SMC4: variants seen among roughly 807,000 people sequenced by gnomAD.
SMC4 encodes structural maintenance of chromosomes 4, also known as structural maintenance of chromosomes protein 4.
In SMC4, 87 loss-of-function variants were observed where a neutral mutation model predicts 145.6. The ratio of observed to expected loss-of-function variants is 0.60; its 90% CI spans 0.50 to 0.71. The LOEUF is 0.71. Among genes scored for constraint, SMC4 ranks in the 30% least tolerant of loss-of-function variants. SMC4 has a pLI of 0.00. For synonymous variants in SMC4, 558 were observed against 500.7 expected, an observed-to-expected ratio of 1.11 and a Z score of -1.53; for missense variants, 1,447 against 1,537.1, an observed-to-expected ratio of 0.94 and a Z score of 0.98.
At position 160,409,265 on chromosome 3, in the gene SMC4, CAAAAAAAAAAAAAAA is replaced by C. The variant is rs10547167; in HGVS notation, c.688-2642_688-2628del. Among the ~76,000 whole-genome samples the C allele has an allele frequency of 4.8e-4, 30 of 61,982 alleles. 1 individual carries two copies. The East Asian group carries it at 6.2e-3, about 13-fold the overall frequency. The allele number at this position is 61,982 out of a possible 152,430, so 40.7% of individuals were successfully genotyped here. A position where few individuals can be genotyped will look rare whatever the true frequency, so the allele number is the denominator to read the frequency against. ...TGGGCGACAGAGCGAAACTCCGTCT[CAAAAAAAAAAAAAAA>C]AAAAAAAAAAAAGACTGAATGTTAT... On this transcript the variant is annotated intron_variant, in intron 5 of 23. Coordinates refer to ENST00000357388, the MANE Select transcript of SMC4 (RefSeq NM_001002800.3).
At chr3:160,416,452 G>GA in intron 10 of SMC4, 37 bp downstream of exon 10, 2 of 1,298,636 alleles carry the variant, frequency 1.5e-6, no homozygotes, top group South Asian at 2.0e-5. Flanking sequence ...TATTTTGGTG[G>GA]CTTTTTTTTT....
chr3:160,413,086 C>G (rs1716192133), intron 7 of SMC4, among the ~76,000 whole-genome samples: 1 of 151,952 alleles, frequency 6.6e-6, no homozygotes, highest in Non-Finnish European at 1.5e-5. Context: ...GGGCACACAC[C>G]AACACACCTG....
At chr3:160,414,187 A>G (rs1214992559) in intron 8 of SMC4, 180 bp from the exon 9 acceptor site, 3 of 628,488 alleles carry the variant, frequency 4.8e-6, no homozygotes, top group African/African-American at 1.8e-5. Context: ...GTCATAATCA[A>G]AAATACAGGT....
intron 5 of SMC4, among the ~76,000 whole-genome samples, chr3:160,409,430 A>C (rs1418098881): frequency 6.6e-6 from 1 of 152,136 alleles, no homozygotes; most frequent in Non-Finnish European, 1.5e-5. Context: ...AGGAACAAAC[A>C]ACCAAAAATG....
intron 4 of SMC4, chr3:160,404,084 G>T (rs971547930): frequency 5.1e-6 from 2 of 391,846 alleles, no homozygotes; most frequent in Non-Finnish European, 9.1e-6. Flanking sequence ...GGGTTTTTTC[G>T]TTGGCTGGTT....
intron 2 of SMC4, among the ~76,000 whole-genome samples, chr3:160,401,174 G>T (rs1419545968): frequency 6.6e-6 from 1 of 152,078 alleles, no homozygotes; most frequent in Non-Finnish European, 1.5e-5. Flanking sequence ...AGGGATGGGG[G>T]CGAGCAAACG....
Position 160,425,022 on chromosome 3 carries a change from A to ATATGTGTGTGTGTGTGTGTGTGTG in SMC4, c.2478+4_2478+5insATGTGTGTGTGTGTGTGTGTGTGT. On this transcript the variant is annotated splice_donor_region_variant and intron_variant, in intron 16 of 23. Transcript: ENST00000357388. Reference sequence around the variant, plus strand: ...AAAAATTTACTGCAAGCATCCAGGTATGTGTGTGTGTGTGTGTGTGTGTGT... The same window carrying ATATGTGTGTGTGTGTGTGTGTGTG: ...AAAAATTTACTGCAAGCATCCAGGTATATGTGTGTGTGTGTGTGTGTGTGTGTGTGTGTGTGTGTGTGTGTGTGT... 1 of 1,468,120 alleles carries ATATGTGTGTGTGTGTGTGTGTGTG rather than the reference A, an allele frequency of 6.8e-7. No homozygotes were observed. The highest frequency in any genetic ancestry group is 2.5e-5 in the East Asian group (1 of 40,656). 90.9% of individuals were successfully genotyped at this position (1,468,120 alleles called of 1,614,324 possible). A position where few individuals can be genotyped will look rare whatever the true frequency, so the allele number is the denominator to read the frequency against.
At chr3:160,406,200 C>A (rs1206650463) in intron 5 of SMC4, among the ~76,000 whole-genome samples, 2 of 151,992 alleles carry the variant, frequency 1.3e-5, no homozygotes, top group African/African-American at 4.8e-5. Context: ...GTGATCTTTA[C>A]AATTGTTTAA....
intron 3 of SMC4, among the ~76,000 whole-genome samples, chr3:160,402,370 AT>A (rs1714795848): frequency 6.7e-6 from 1 of 149,260 alleles, no homozygotes; most frequent in Non-Finnish European, 1.5e-5. Context: ...TTGAAAGAGT[AT>A]TTTCCCTTGG....
chr3:160,420,879 C>CAA lies in SMC4; in HGVS notation c.1998_1999dup (p.Thr667LysfsTer4), dbSNP rs1473788891. 6.2e-7 allele frequency: 1 copy of CAA among 1,612,380 alleles called. No homozygotes were observed. Among genetic ancestry groups the CAA allele is most frequent in the South Asian group, 1.1e-5 (1 of 90,666 alleles). On this transcript the variant is annotated frameshift_variant, in exon 13 of 24. Coordinates refer to ENST00000357388, the MANE Select transcript of SMC4 (RefSeq NM_001002800.3). LOFTEE classifies it high-confidence loss of function. ...CTTAAAAGACAAAATATTGGAGTTG[C>CAA]AACCTTTATAGGTTTAGATAAGGTG...
chr3:160,428,710 T>C, intron 17 of SMC4, 43 bp from the exon 18 acceptor site: 1 of 1,524,730 alleles, frequency 6.6e-7, no homozygotes, highest in Non-Finnish European at 8.8e-7. Context: ...TGATGTTCAT[T>C]AGCATAAAAA....
Position 160,431,718 on chromosome 3 carries a change from G to A in SMC4, c.3190G>A (p.Glu1064Lys). Residue 1064 changes from glutamate to lysine, a missense_variant, in exon 21 of 24, where the codon GAA (glutamate) becomes AAA (lysine). Physicochemically the swap from Glu to Lys is moderately conservative, Grantham distance 56. Transcript: ENST00000357388. ...TTCGGTTCTAAGCCCAGAGGATCTT[G>A]AAGCGATCAAGAATCCAGATTCTAT... The part of the protein sequence containing the change: ...EISVLSPEDL[E>K]AIKNPDSITN... The A allele has an allele frequency of 1.2e-6, 2 of 1,613,926 alleles. No individual in the cohort carries two copies. Among genetic ancestry groups the A allele is most frequent in the Non-Finnish European group, 1.7e-6 (2 of 1,179,936 alleles).
chr3:160,431,707 C>T lies in SMC4; in HGVS notation c.3179C>T (p.Pro1060Leu), dbSNP rs781206644. The change falls in exon 21 of 24, where the codon CCA becomes CTA. Residue 1060 changes from proline to leucine, a missense_variant. Physicochemically the swap from Pro to Leu is moderately conservative, Grantham distance 98. Coordinates refer to ENST00000357388, the MANE Select transcript of SMC4 (RefSeq NM_001002800.3). ...NPIEEISVLS[P>L]EDLEAIKNPD... Reference sequence around the variant, plus strand: ...ATTGAAGAGATTTCGGTTCTAAGCCCAGAGGATCTTGAAGCGATCAAGAAT... The same window carrying T: ...ATTGAAGAGATTTCGGTTCTAAGCCTAGAGGATCTTGAAGCGATCAAGAAT... The T allele has an allele frequency of 6.2e-7, 1 of 1,613,328 alleles. No homozygotes were observed.
At position 160,420,836 on chromosome 3, in the gene SMC4, C is replaced by T; in HGVS notation, c.1954C>T (p.Gln652Ter). Residue 652 changes from glutamine to a stop codon, truncating the protein, a stop_gained, in exon 13 of 24, where the codon CAA (glutamine) becomes TAA (stop). Coordinates refer to ENST00000357388, the MANE Select transcript of SMC4 (RefSeq NM_001002800.3). LOFTEE classifies it high-confidence loss of function. ...TGTTGTTGATTCTATTGATATAGCC[C>T]AAGAATGTGTAAACTTCCTTAAAAG... ...YIVVDSIDIA[Q>*]ECVNFLKRQN... 6.2e-7 allele frequency: 1 copy of T among 1,613,736 alleles called. No individual in the cohort carries two copies. Among genetic ancestry groups the T allele is most frequent in the East Asian group, 2.2e-5 (1 of 44,852 alleles).
At chr3:160,408,546 T>G (rs533126896) in intron 5 of SMC4, among the ~76,000 whole-genome samples, 1 of 152,352 alleles carries the variant, frequency 6.6e-6, no homozygotes, top group South Asian at 2.1e-4. Flanking sequence ...CTTGAAACAT[T>G]TTTTGTCTGT....
intron 7 of SMC4, 107 bp downstream of exon 7, chr3:160,412,560 C>A (rs999851921): frequency 1.4e-6 from 2 of 1,397,430 alleles, no homozygotes; most frequent in Non-Finnish European, 1.9e-6. Context: ...GAAAAAAAAT[C>A]TCTAAATATT....
rs999037244 is a variant in SMC4 at position 160,409,370 on chromosome 3, A to G, written c.688-2550A>G. On this transcript the variant is annotated intron_variant, in intron 5 of 23. Coordinates refer to ENST00000357388, the MANE Select transcript of SMC4 (RefSeq NM_001002800.3). ...CTGCCTTTAAAAAAAAAAATGCTCAACTCTATTAGAGGAAATCATAGCTGT... is the reference window on the plus strand; with the variant it reads ...CTGCCTTTAAAAAAAAAAATGCTCAGCTCTATTAGAGGAAATCATAGCTGT... 2.0e-5 allele frequency among the ~76,000 whole-genome samples: 3 copies of G among 151,132 alleles called. No individual in the cohort carries two copies. The East Asian group carries it at 5.8e-4, about 29-fold the overall frequency.
Position 160,433,129 on chromosome 3 carries a change from C to CCA in SMC4, c.3635_3636insAC (p.Thr1213ProfsTer36). 6.2e-7 allele frequency: 1 copy of CCA among 1,613,486 alleles called. No individual in the cohort carries two copies. Among genetic ancestry groups the CCA allele is most frequent in the Non-Finnish European group, 8.5e-7 (1 of 1,179,496 alleles). On this transcript the variant is annotated frameshift_variant, in exon 23 of 24. Transcript: ENST00000357388. LOFTEE classifies it high-confidence loss of function. ...AGTATTTGCTCTTCACCACTACAAG[C>CCA]CCACTCCCCTTTACTTCATGGATGA...
chr3:160,428,482 G>A (rs2108499791), intron 17 of SMC4, among the ~76,000 whole-genome samples: 1 of 152,300 alleles, frequency 6.6e-6, no homozygotes. Context: ...AGAAAAAGTT[G>A]TAAAGATATT....
Sources: allele counts gnomAD v4.1 joint callset (sites outside exome capture counted in the v4.1 genomes callset), GRCh38; gene constraint gnomAD v4.1.1; transcripts MANE v1.5; gene names NCBI Gene and HGNC (gene_info 2026-07-23, HGNC 2026-07-21).